Variants in ZFYVE28 observed in about 807,000 individuals in gnomAD.
ZFYVE28 encodes zinc finger FYVE-type containing 28, also known as lateral signaling target protein 2 homolog.
A neutral mutation model predicts 82.1 loss-of-function variants in ZFYVE28; 40 were observed. That is an observed-to-expected ratio of 0.49 (90% CI 0.38 to 0.63). The LOEUF (loss-of-function observed/expected upper bound fraction) is 0.63, where lower values mean the gene tolerates loss of function less well. Among genes scored for constraint, ZFYVE28 ranks in the 30% least tolerant of loss-of-function variants. The pLI, the probability that ZFYVE28 is intolerant of heterozygous loss-of-function variation, is 0.00. For missense variants in ZFYVE28, 1,321 were observed against 1,242.1 expected (o/e 1.06, Z -0.96); for synonymous variants, 612 against 546.1 (o/e 1.12, Z -1.68).
chr4:2,339,430 C>A lies in ZFYVE28; in HGVS notation c.521+23G>T, dbSNP rs199851253. The A allele has an allele frequency of 3.1e-4, 499 of 1,610,662 alleles. 5 individuals carry two copies. The East Asian group carries it at 8.5e-3, about 27-fold the overall frequency. On this transcript the variant is annotated intron_variant, in intron 4 of 12. Transcript: ENST00000290974. This position sits in a 1 kb window ranked among gnomAD's most constrained non-coding sequence, Gnocchi z 5.0. ...CGTCCCCCAGCTCATACAGCCAGGGCTGTGGACCCACAGCTGCAGTACCTG... is the reference window on the plus strand; with the variant it reads ...CGTCCCCCAGCTCATACAGCCAGGGATGTGGACCCACAGCTGCAGTACCTG...
At chr4:2,288,320 A>G (rs1713071973) in intron 8 of ZFYVE28, among the ~76,000 whole-genome samples, 1 of 152,208 alleles carries the variant, frequency 6.6e-6, no homozygotes, top group African/African-American at 2.4e-5. Flanking sequence ...AACAGGTGAC[A>G]CTAGAACGGA....
At chr4:2,330,979 G>A (rs768773421) in intron 6 of ZFYVE28, 89 of 1,534,876 alleles carry the variant, frequency 5.8e-5, no homozygotes, top group Non-Finnish European at 6.4e-5. Context: ...AAGAGGATCC[G>A]GCAACCATCC....
intron 4 of ZFYVE28, 48 bp from the exon 5 acceptor site, chr4:2,337,544 G>GT: frequency 6.6e-7 from 1 of 1,509,666 alleles, no homozygotes; most frequent in Non-Finnish European, 9.0e-7. Flanking sequence ...CTGTGGCGGG[G>GT]CCCCTCCAAA....
At chr4:2,280,703 T>G (rs60525636) in intron 8 of ZFYVE28, among the ~76,000 whole-genome samples, 1 of 152,218 alleles carries the variant, frequency 6.6e-6, no homozygotes, top group Non-Finnish European at 1.5e-5. Flanking sequence ...AGATGCCATT[T>G]CAAGAAGAAA....
intron 8 of ZFYVE28, among the ~76,000 whole-genome samples, chr4:2,294,059 C>T (rs575409019): frequency 6.8e-6 from 1 of 146,398 alleles, no homozygotes; most frequent in South Asian, 2.1e-4. Flanking sequence ...TAATCCCAAT[C>T]AAAATCCCAG....
rs1377470546 is a variant in ZFYVE28 at position 2,346,437 on chromosome 4, AC to A, written c.181-4823del. Reference sequence around the variant, plus strand: ...TAGAGATCTATACAAGGGAAAAGAGACCACTGGAAATGGTGACTACATGGTA... The same window carrying A: ...TAGAGATCTATACAAGGGAAAAGAGACACTGGAAATGGTGACTACATGGTA... On this transcript the variant is annotated intron_variant, in intron 2 of 12. Coordinates refer to ENST00000290974, the MANE Select transcript of ZFYVE28 (RefSeq NM_020972.3). Among the ~76,000 whole-genome samples, 14 of 152,122 alleles carry A rather than the reference AC, an allele frequency of 9.2e-5. No individual in the cohort carries two copies. The East Asian group carries it at 2.7e-3, about 29-fold the overall frequency.
At chr4:2,331,313 G>A (rs1720673228) in intron 6 of ZFYVE28, among the ~76,000 whole-genome samples, 1 of 151,958 alleles carries the variant, frequency 6.6e-6, no homozygotes, top group Non-Finnish European at 1.5e-5. Context: ...ACTGGGTCTA[G>A]AGGTTTTATT....
At chr4:2,374,134 A>ATACAGCCCACCATGTCCGTAGG (rs1342445605) in intron 1 of ZFYVE28, among the ~76,000 whole-genome samples, 3 of 152,250 alleles carry the variant, frequency 2.0e-5, no homozygotes, top group African/African-American at 7.2e-5. Flanking sequence ...GCATGGTCAC[A>ATACAGCCCACCATGTCCGTAGG]TACAGCCCAC....
At chr4:2,279,122 A>G (rs1254969763) in intron 8 of ZFYVE28, among the ~76,000 whole-genome samples, 1 of 152,194 alleles carries the variant, frequency 6.6e-6, no homozygotes, top group Non-Finnish European at 1.5e-5. Context: ...ACAGAAAGGA[A>G]CGCAGCACTT....
chr4:2,365,149 G>C (rs1246166571), intron 1 of ZFYVE28, among the ~76,000 whole-genome samples: 1 of 151,868 alleles, frequency 6.6e-6, no homozygotes, highest in Non-Finnish European at 1.5e-5. Context: ...GAATGCGGCG[G>C]GGGGACGGGG....
rs113046431 is a variant in ZFYVE28 at position 2,377,465 on chromosome 4, C to A, written c.40-23392G>T. ...CTTTCCTCCGAGTTCCCTTTTCTTG[C>A]TGATGTACATCTTATAATAGGAAAT... On this transcript the variant is annotated intron_variant, in intron 1 of 12. Coordinates refer to ENST00000290974, the MANE Select transcript of ZFYVE28 (RefSeq NM_020972.3). Among the ~76,000 whole-genome samples the A allele has an allele frequency of 7.4e-3, 1,121 of 152,306 alleles. 11 individuals are homozygous for A. The highest frequency in any genetic ancestry group is 0.026 in the African/African-American group (1,060 of 41,552).
intron 7 of ZFYVE28, 83 bp from the exon 8 acceptor site, chr4:2,305,619 G>A: frequency 6.5e-7 from 1 of 1,528,778 alleles, no homozygotes. Context: ...CAGCACCCTG[G>A]AGTCTGCACC....
chr4:2,360,389 TCACACACACACACACACA>T (rs10545681), intron 1 of ZFYVE28, among the ~76,000 whole-genome samples: 8 of 143,290 alleles, frequency 5.6e-5, no homozygotes, highest in African/African-American at 1.6e-4. Flanking sequence ...AGAGCTGTAA[TCACACACACACACACACA>T]CACACACACA....
intron 1 of ZFYVE28, among the ~76,000 whole-genome samples, chr4:2,377,113 C>T (rs1049712940): frequency 6.6e-6 from 1 of 151,928 alleles, no homozygotes; most frequent in Non-Finnish European, 1.5e-5. Flanking sequence ...GCTCCACCTC[C>T]CGGGTTCACG....
intron 1 of ZFYVE28, among the ~76,000 whole-genome samples, chr4:2,402,299 C>T (rs1024587917): frequency 6.6e-6 from 1 of 152,152 alleles, no homozygotes; most frequent in Non-Finnish European, 1.5e-5. Flanking sequence ...TGCTCCAGGG[C>T]TTGGATCAGT....
At chr4:2,404,309 CAAAA>C (rs55924862) in intron 1 of ZFYVE28, among the ~76,000 whole-genome samples, 2 of 66,530 alleles carry the variant, frequency 3.0e-5, no homozygotes, top group East Asian at 4.5e-4. Flanking sequence ...GACTCCGCCT[CAAAA>C]AAAAAAAAAA....
intron 8 of ZFYVE28, among the ~76,000 whole-genome samples, chr4:2,291,578 AGACACTGCT>A: frequency 6.6e-6 from 1 of 152,172 alleles, no homozygotes; most frequent in East Asian, 1.9e-4. Flanking sequence ...TCTCCACCTC[AGACACTGCT>A]GTGTGCCTCA....
intron 1 of ZFYVE28, among the ~76,000 whole-genome samples, chr4:2,403,085 G>C (rs3128771): frequency 0.85 from 129,320 of 152,276 alleles, 55,072 homozygotes; most frequent in Admixed American, 0.9. Flanking sequence ...GAACAATACA[G>C]GTCCTTTCCC....
At chr4:2,363,590 T>C (rs1370202596) in intron 1 of ZFYVE28, among the ~76,000 whole-genome samples, 1 of 152,174 alleles carries the variant, frequency 6.6e-6, no homozygotes, top group East Asian at 1.9e-4. Context: ...TTCCCGACAC[T>C]GGGGACTGGC....
Sources: allele counts gnomAD v4.1 joint callset (sites outside exome capture counted in the v4.1 genomes callset), GRCh38; gene constraint gnomAD v4.1.1; non-coding constraint Gnocchi (gnomAD v3.1); transcripts MANE v1.5; gene names NCBI Gene and HGNC (gene_info 2026-07-23, HGNC 2026-07-21).